HERC3: variants seen among roughly 807,000 people sequenced by gnomAD.
HERC3 encodes the protein probable E3 ubiquitin-protein ligase HERC3.
Under a neutral mutation model 129.9 loss-of-function variants are expected in HERC3, and 58 were observed. The observed-to-expected ratio is 0.45, with a 90% CI of 0.36 to 0.56. HERC3 has a LOEUF of 0.56. HERC3 is among the 20% of genes least tolerant of loss of function. The probability of loss-of-function intolerance (pLI) is 0.00; values close to 1 mark genes in which losing one functional copy is unlikely to be tolerated. For synonymous variants in HERC3, 430 were observed against 451.0 expected, an observed-to-expected ratio of 0.95 and a Z score of 0.59; for missense variants, 835 against 1,244.2, an observed-to-expected ratio of 0.67 and a Z score of 4.95.
chr4:88,608,683 T>C lies in HERC3; in HGVS notation c.226+2634T>C, dbSNP rs562181273. On this transcript the variant is annotated intron_variant, in intron 3 of 25. Coordinates refer to ENST00000402738, the MANE Select transcript of HERC3 (RefSeq NM_014606.3). Reference sequence around the variant, plus strand: ...CAGATTAAAAACCAAGTCTTCTTTCTTTTCCTCCTGTTAAAACTCACTTGT... The same window carrying C: ...CAGATTAAAAACCAAGTCTTCTTTCCTTTCCTCCTGTTAAAACTCACTTGT... 3.9e-5 allele frequency among the ~76,000 whole-genome samples: 6 copies of C among 152,330 alleles called. No individual in the cohort carries two copies. The South Asian group carries it at 1.0e-3, about 26-fold the overall frequency.
intron 2 of HERC3, among the ~76,000 whole-genome samples, chr4:88,604,880 A>G (rs796930036): frequency 1.2e-4 from 18 of 152,196 alleles, no homozygotes; most frequent in Non-Finnish European, 2.5e-4. Flanking sequence ...ATAGCCCCAC[A>G]TTATCACCAA....
the HERC3 span, among the ~76,000 whole-genome samples, chr4:88,575,882 G>A: frequency 6.6e-6 from 1 of 152,104 alleles, no homozygotes; most frequent in Non-Finnish European, 1.5e-5. Flanking sequence ...ATTTTCTTAG[G>A]CAGTATGCTA....
chr4:88,527,937 C>T, the HERC3 span: 33 of 269,898 alleles, frequency 1.2e-4, no homozygotes, highest in South Asian at 5.0e-4. Flanking sequence ...CATTTCTGCA[C>T]TGCTGTGGCG....
At chr4:88,596,576 C>T (rs1002070578) in intron 2 of HERC3, among the ~76,000 whole-genome samples, 12 of 152,170 alleles carry the variant, frequency 7.9e-5, no homozygotes, top group Admixed American at 1.3e-4. Context: ...TGGAGAAACT[C>T]CCAGTCTGCA....
intron 3 of HERC3, among the ~76,000 whole-genome samples, chr4:88,614,363 AT>A (rs1280730143): frequency 6.6e-6 from 1 of 152,178 alleles, no homozygotes; most frequent in Non-Finnish European, 1.5e-5. Context: ...GTTCACAGAC[AT>A]TTTTGTAACC....
intron 16 of HERC3, among the ~76,000 whole-genome samples, chr4:88,670,663 T>C (rs1251868113): frequency 8.0e-6 from 1 of 125,496 alleles, no homozygotes; most frequent in South Asian, 2.7e-4. Context: ...TTAACACTGC[T>C]GAAAGTGTAC....
chr4:88,697,145 G>C, intron 23 of HERC3: 1 of 1,438,762 alleles, frequency 7.0e-7, no homozygotes, highest in Non-Finnish European at 9.2e-7. Context: ...TCGATATTCT[G>C]GGAAAAACAA....
chr4:88,678,277 T>A, intron 19 of HERC3, 143 bp downstream of exon 19: 1 of 656,808 alleles, frequency 1.5e-6, no homozygotes. Flanking sequence ...CCTACTTTTG[T>A]CAAATCACCA....
rs373632312 is a variant in HERC3 at position 88,686,728 on chromosome 4, A to G, written c.2508-8A>G. The G allele has an allele frequency of 3.8e-6, 6 of 1,597,314 alleles. No homozygotes were observed. Among genetic ancestry groups the G allele is most frequent in the African/African-American group, 1.3e-5 (1 of 74,606 alleles). Reference sequence around the variant, plus strand: ...GCCACTTTTCCTTTTCTGTCATTCTATGATTAGGAGTCTCCAAGAGCTTTT... The same window carrying G: ...GCCACTTTTCCTTTTCTGTCATTCTGTGATTAGGAGTCTCCAAGAGCTTTT... On this transcript the variant is annotated splice_polypyrimidine_tract_variant and splice_region_variant and intron_variant, in intron 21 of 25. Transcript: ENST00000402738.
At chr4:88,550,398 C>T in the HERC3 span, among the ~76,000 whole-genome samples, 1 of 152,028 alleles carries the variant, frequency 6.6e-6, no homozygotes, top group African/African-American at 2.4e-5. Flanking sequence ...TTGTCTCAGC[C>T]CAAAATCTCC....
At chr4:88,600,094 T>C (rs1198272171) in intron 2 of HERC3, among the ~76,000 whole-genome samples, 3 of 152,196 alleles carry the variant, frequency 2.0e-5, no homozygotes, top group African/African-American at 4.8e-5. Flanking sequence ...GTGAAGCACA[T>C]AGAAAAGTAC....
chr4:88,586,137 C>A, the HERC3 span, among the ~76,000 whole-genome samples: 1 of 152,114 alleles, frequency 6.6e-6, no homozygotes, highest in African/African-American at 2.4e-5. Context: ...AGCTATGTTG[C>A]ACAATTGTTT....
intron 3 of HERC3, among the ~76,000 whole-genome samples, chr4:88,645,930 A>G (rs1412583802): frequency 6.6e-6 from 1 of 152,212 alleles, no homozygotes; most frequent in South Asian, 2.1e-4. Flanking sequence ...GTGTGAACAG[A>G]CGATGAGGAA....
At chr4:88,697,616 C>A in intron 23 of HERC3, 4 of 1,609,286 alleles carry the variant, frequency 2.5e-6, no homozygotes, top group Non-Finnish European at 3.4e-6. Flanking sequence ...TGACCAGCCG[C>A]GCTGTCAGGG....
upstream of HERC3, among the ~76,000 whole-genome samples, chr4:88,588,428 G>A (rs1481366662): frequency 6.6e-6 from 1 of 152,176 alleles, no homozygotes; most frequent in Non-Finnish European, 1.5e-5. Flanking sequence ...ATTAAGTACT[G>A]ACTAGACTGA....
At position 88,668,352 on chromosome 4, in the gene HERC3, A is replaced by G. The variant is rs539421360; in HGVS notation, c.1633+271A>G. 2.0e-5 allele frequency among the ~76,000 whole-genome samples: 3 copies of G among 152,130 alleles called. No individual in the cohort carries two copies. In the South Asian group the frequency reaches 6.2e-4, roughly 32 times the overall value. On this transcript the variant is annotated intron_variant, in intron 14 of 25. Transcript: ENST00000402738. ...AACCTAATTTATTTAACTTGAAACT[A>G]TTTTTTTCTACCACATTTGCTCAGT... is the stretch of plus-strand genomic sequence containing the variant.
the HERC3 span, among the ~76,000 whole-genome samples, chr4:88,572,693 C>T: frequency 6.6e-6 from 1 of 151,694 alleles, no homozygotes; most frequent in African/African-American, 2.4e-5. Context: ...CCTGTAGTCC[C>T]AGCTACTTGG....
chr4:88,549,798 A>G, the HERC3 span, among the ~76,000 whole-genome samples: 1 of 151,484 alleles, frequency 6.6e-6, no homozygotes, highest in Non-Finnish European at 1.5e-5. Context: ...TCCGCCTCCT[A>G]GGTTCAAGCG....
At chr4:88,544,554 C>T in the HERC3 span, among the ~76,000 whole-genome samples, 62 of 152,318 alleles carry the variant, frequency 4.1e-4, no homozygotes, top group South Asian at 2.9e-3. Flanking sequence ...TTTGACCCAG[C>T]GATCCCATTA....
Sources: allele counts gnomAD v4.1 joint callset (sites outside exome capture counted in the v4.1 genomes callset), GRCh38; gene constraint gnomAD v4.1.1; transcripts MANE v1.5; gene names NCBI Gene and HGNC (gene_info 2026-07-23, HGNC 2026-07-21).